Variants in EGFLAM observed in about 807,000 individuals in gnomAD.
The protein encoded by EGFLAM is EGF like, fibronectin type III and laminin G domains.
EGFLAM carries 79 observed loss-of-function variants against 113.1 expected under a neutral mutation model. The observed-to-expected ratio is 0.70, with a 90% confidence interval of 0.58 to 0.84. The LOEUF (loss-of-function observed/expected upper bound fraction) is 0.84, where lower values mean the gene tolerates loss of function less well. EGFLAM is among the 40% of genes least tolerant of loss of function. The pLI, the probability that EGFLAM is intolerant of heterozygous loss-of-function variation, is 0.00. For missense variants in EGFLAM, 1,265 were observed against 1,291.6 expected (o/e 0.98, Z 0.32); for synonymous variants, 504 against 487.6 (o/e 1.03, Z -0.44).
At chr5:38,282,963 GCCCCCAGCC>G (rs1207571705) in intron 1 of EGFLAM, among the ~76,000 whole-genome samples, 1 of 152,026 alleles carries the variant, frequency 6.6e-6, no homozygotes, top group Non-Finnish European at 1.5e-5. Context: ...TCCCACCTCA[GCCCCCAGCC>G]CCCTGAATAG....
chr5:38,269,556 C>G (rs1757716962), intron 1 of EGFLAM, among the ~76,000 whole-genome samples: 1 of 150,152 alleles, frequency 6.7e-6, no homozygotes, highest in Non-Finnish European at 1.5e-5. Context: ...GTGGCGCAAT[C>G]TCGGCTCACT....
At chr5:38,408,097 G>A (rs1322231554) in intron 9 of EGFLAM, among the ~76,000 whole-genome samples, 192 bp downstream of exon 9, 2 of 152,220 alleles carry the variant, frequency 1.3e-5, no homozygotes, top group Non-Finnish European at 2.9e-5. Context: ...ATTCAAGTGT[G>A]ACAGTGAGGA....
intron 1 of EGFLAM, among the ~76,000 whole-genome samples, chr5:38,312,243 A>AT (rs35055096): frequency 0.084 from 11,743 of 140,188 alleles, 730 homozygotes; most frequent in African/African-American, 0.18. Flanking sequence ...TGTATCTCAG[A>AT]TTTTTTTTTT....
At chr5:38,367,972 C>T (rs538173343) in intron 5 of EGFLAM, among the ~76,000 whole-genome samples, 1 of 152,270 alleles carries the variant, frequency 6.6e-6, no homozygotes, top group East Asian at 1.9e-4. Context: ...TTTTTCTTTT[C>T]TGCATTAAAT....
intron 1 of EGFLAM, among the ~76,000 whole-genome samples, chr5:38,333,945 T>A (rs1253526395): frequency 9.5e-6 from 1 of 105,684 alleles, no homozygotes; most frequent in Non-Finnish European, 1.9e-5. Context: ...TTTTTTGAGA[T>A]GGAGTTTTGC....
chr5:38,286,438 C>A (rs1758162826), intron 1 of EGFLAM: 1 of 152,190 alleles, frequency 6.6e-6, no homozygotes, highest in Non-Finnish European at 1.5e-5. Context: ...TAGTCGATTC[C>A]AATGAGCACA....
At chr5:38,397,661 C>T (rs1189824460) in intron 6 of EGFLAM, among the ~76,000 whole-genome samples, 1 of 152,252 alleles carries the variant, frequency 6.6e-6, no homozygotes, top group East Asian at 1.9e-4. Context: ...ATTAGGAATG[C>T]ATTAGCTGCT....
intron 5 of EGFLAM, among the ~76,000 whole-genome samples, chr5:38,364,412 C>T (rs141540136): frequency 1.9e-3 from 290 of 152,204 alleles, no homozygotes; most frequent in Non-Finnish European, 3.3e-3. Flanking sequence ...AGGGAGGAAG[C>T]AACATGAAAA....
At chr5:38,282,444 G>A (rs1758041797) in intron 1 of EGFLAM, 1 of 152,208 alleles carries the variant, frequency 6.6e-6, no homozygotes, top group South Asian at 2.1e-4. Context: ...TCCCACCTGA[G>A]GGGTGAAGCT....
intron 21 of EGFLAM, 36 bp downstream of exon 21, chr5:38,463,047 C>A: frequency 6.3e-7 from 1 of 1,586,900 alleles, no homozygotes; most frequent in Non-Finnish European, 8.6e-7. Context: ...CAAAATTAGG[C>A]CAGTGCTTTT....
intron 1 of EGFLAM, among the ~76,000 whole-genome samples, chr5:38,269,317 T>C (rs1333244564): frequency 6.6e-6 from 1 of 152,122 alleles, no homozygotes; most frequent in East Asian, 1.9e-4. Flanking sequence ...TCTGTTTGTG[T>C]CCCATAACAA....
intron 5 of EGFLAM, among the ~76,000 whole-genome samples, chr5:38,358,090 A>G (rs1352456818): frequency 1.3e-5 from 2 of 150,814 alleles, no homozygotes; most frequent in African/African-American, 2.4e-5. Context: ...CTAGGCTACA[A>G]TGAGCTATAA....
intron 3 of EGFLAM, chr5:38,346,544 CT>C (rs898377307): frequency 3.9e-5 from 6 of 152,176 alleles, no homozygotes; most frequent in African/African-American, 1.4e-4. Context: ...CCTTCTTTCC[CT>C]TTGTTCATGA....
chr5:38,455,903 A>G (rs1743070439), intron 19 of EGFLAM, among the ~76,000 whole-genome samples: 1 of 152,200 alleles, frequency 6.6e-6, no homozygotes, highest in African/African-American at 2.4e-5. Flanking sequence ...ATCATGTTCC[A>G]ATCCAGCCTC....
intron 11 of EGFLAM, among the ~76,000 whole-genome samples, chr5:38,416,779 AG>A (rs1185040990): frequency 3.9e-5 from 6 of 152,332 alleles, no homozygotes; most frequent in African/African-American, 1.4e-4. Context: ...ATCTAATGAA[AG>A]CAGCATGCTC....
intron 1 of EGFLAM, among the ~76,000 whole-genome samples, chr5:38,263,483 T>C (rs1481871802): frequency 2.0e-5 from 3 of 152,158 alleles, no homozygotes; most frequent in East Asian, 3.9e-4. Context: ...ACAAAAAACA[T>C]TGGGATGTTT....
intron 11 of EGFLAM, among the ~76,000 whole-genome samples, chr5:38,417,727 A>G (rs558287841): frequency 1.6e-3 from 238 of 152,286 alleles, no homozygotes; most frequent in Non-Finnish European, 2.9e-3. Context: ...TACACAGTCA[A>G]CTGGTGTCAA....
intron 10 of EGFLAM, among the ~76,000 whole-genome samples, chr5:38,411,763 G>A (rs1258868726): frequency 6.6e-6 from 1 of 151,908 alleles, no homozygotes; most frequent in Non-Finnish European, 1.5e-5. Flanking sequence ...GATTACAGAT[G>A]TGAGCCACTG....
At chr5:38,286,045 C>G (rs1167794901) in intron 1 of EGFLAM, 3 of 152,172 alleles carry the variant, frequency 2.0e-5, no homozygotes, top group Admixed American at 2.0e-4. Context: ...ATCGCTAAAG[C>G]CTGAATCTTC....
Sources: allele counts gnomAD v4.1 joint callset (sites outside exome capture counted in the v4.1 genomes callset), GRCh38; gene constraint gnomAD v4.1.1; transcripts MANE v1.5; gene names NCBI Gene and HGNC (gene_info 2026-07-23, HGNC 2026-07-21).